Variants in ELAPOR1 observed in about 807,000 individuals in gnomAD.
The protein encoded by ELAPOR1 is endosome/lysosome-associated apoptosis and autophagy regulator 1.
In ELAPOR1, 77 loss-of-function variants were observed where a neutral mutation model predicts 119.7. That is an observed-to-expected ratio of 0.64 (90% CI 0.54 to 0.78). ELAPOR1 has a LOEUF of 0.78. Ranked by LOEUF, ELAPOR1 falls within the 30% of genes least tolerant of loss-of-function variation. ELAPOR1 has a pLI of 0.00. For missense variants in ELAPOR1, 1,115 were observed against 1,270.4 expected, an observed-to-expected ratio of 0.88 and a Z score of 1.86; for synonymous variants, 481 against 487.2, an observed-to-expected ratio of 0.99 and a Z score of 0.17.
At chr1:109,181,156 G>A (rs1652669632) in intron 7 of ELAPOR1, among the ~76,000 whole-genome samples, 2 of 152,184 alleles carry the variant, frequency 1.3e-5, no homozygotes, top group Non-Finnish European at 2.9e-5. Context: ...ATGAGCTGCT[G>A]TCTGACCCGG....
rs1558038348 is a variant in ELAPOR1 at position 109,158,177 on chromosome 1, T to G, written c.154-3717T>G. ...TGCCAGAATTACAGGTGTGAGCCAC[T>G]GCGTCTGGCCTCTAAACTGTTACTT... On this transcript the variant is annotated intron_variant, in intron 1 of 21. Coordinates refer to ENST00000369939, the MANE Select transcript of ELAPOR1 (RefSeq NM_020775.5). Among the ~76,000 whole-genome samples, 3 of 152,300 alleles carry G rather than the reference T, an allele frequency of 2.0e-5. No homozygotes were observed. The South Asian group carries it at 6.2e-4, about 32-fold the overall frequency.
intron 1 of ELAPOR1, 58 bp from the exon 2 acceptor site, chr1:109,161,836 G>A: frequency 2.6e-6 from 4 of 1,565,338 alleles, no homozygotes; most frequent in Non-Finnish European, 3.5e-6. Flanking sequence ...TGGGTGGGAA[G>A]CTGTTAATGT....
chr1:109,198,745 AT>A, intron 18 of ELAPOR1, 71 bp downstream of exon 18: 1 of 1,375,108 alleles, frequency 7.3e-7, no homozygotes, highest in Non-Finnish European at 1.0e-6. Flanking sequence ...AGATCCAGAG[AT>A]TACTGAAAAA....
intron 4 of ELAPOR1, among the ~76,000 whole-genome samples, 177 bp from the exon 5 acceptor site, chr1:109,172,311 T>C (rs145116113): frequency 6.6e-6 from 1 of 152,196 alleles, no homozygotes; most frequent in African/African-American, 2.4e-5. Flanking sequence ...TCATTTTGTG[T>C]GTGTGACTAA....
At chr1:109,181,138 A>G (rs182322055) in intron 7 of ELAPOR1, among the ~76,000 whole-genome samples, 8 of 152,328 alleles carry the variant, frequency 5.3e-5, no homozygotes, top group Middle Eastern at 3.4e-3. Flanking sequence ...GAGGAGCTTC[A>G]CAAAAGCATG....
intron 15 of ELAPOR1, among the ~76,000 whole-genome samples, chr1:109,196,495 G>A (rs942423929): frequency 1.3e-5 from 2 of 152,136 alleles, no homozygotes; most frequent in South Asian, 4.1e-4. Flanking sequence ...GGAATTTGGG[G>A]AAATGGTGTA....
chr1:109,122,476 T>C (rs867666512), intron 1 of ELAPOR1, among the ~76,000 whole-genome samples: 3 of 149,770 alleles, frequency 2.0e-5, no homozygotes, highest in Non-Finnish European at 4.4e-5. Flanking sequence ...CTGGGCAACA[T>C]AGCAAGACCC....
chr1:109,149,109 A>G (rs1650364402), intron 1 of ELAPOR1, among the ~76,000 whole-genome samples: 1 of 152,172 alleles, frequency 6.6e-6, no homozygotes, highest in African/African-American at 2.4e-5. Flanking sequence ...GTTGCTCCAT[A>G]TGTATGAGAA....
intron 1 of ELAPOR1, among the ~76,000 whole-genome samples, chr1:109,157,888 CA>C (rs1381934060): frequency 1.3e-5 from 2 of 152,094 alleles, no homozygotes; most frequent in South Asian, 4.1e-4. Context: ...AGTCTATAAA[CA>C]GTTCCTTTTT....
rs1654080185 is a variant in ELAPOR1 at position 109,200,176 on chromosome 1, G to A, written c.2746G>A (p.Gly916Ser). 1 of 1,614,110 alleles carries A rather than the reference G, an allele frequency of 6.2e-7. No individual in the cohort carries two copies. The highest frequency in any genetic ancestry group is 8.5e-7 in the Non-Finnish European group (1 of 1,180,056). The change falls in exon 20 of 22, where the codon GGC becomes AGC. Residue 916 changes from glycine to serine, a missense_variant. By Grantham distance (56) the Gly-to-Ser change is moderately conservative. Coordinates refer to ENST00000369939, the MANE Select transcript of ELAPOR1 (RefSeq NM_020775.5). The stretch of plus-strand genomic sequence containing the variant: ...CTGGCTGAAAGTGGGCATCTCTGCA[G>A]GCACCTGTACTGCCATCCTGCTCAC... The part of the protein sequence containing the change: ...DFWLKVGISA[G>S]TCTAILLTVL...
At chr1:109,149,322 A>G (rs1321457992) in intron 1 of ELAPOR1, among the ~76,000 whole-genome samples, 1 of 151,358 alleles carries the variant, frequency 6.6e-6, no homozygotes, top group Admixed American at 6.6e-5. Flanking sequence ...TTTTTTAACC[A>G]GTTTACAAAG....
intron 1 of ELAPOR1, among the ~76,000 whole-genome samples, chr1:109,139,388 G>A (rs1441931390): frequency 2.0e-5 from 3 of 152,026 alleles, no homozygotes; most frequent in Non-Finnish European, 2.9e-5. Context: ...AAGTTAGTTT[G>A]TATTGAACAA....
intron 1 of ELAPOR1, among the ~76,000 whole-genome samples, chr1:109,119,361 T>A (rs1454308482): frequency 6.6e-6 from 1 of 151,630 alleles, no homozygotes; most frequent in Non-Finnish European, 1.5e-5. Flanking sequence ...ATTTTTGTAG[T>A]TTTGGAGAGA....
At chr1:109,125,825 T>C (rs1648744759) in intron 1 of ELAPOR1, among the ~76,000 whole-genome samples, 1 of 152,156 alleles carries the variant, frequency 6.6e-6, no homozygotes, top group Non-Finnish European at 1.5e-5. Flanking sequence ...TAATGAGCAA[T>C]GGACTTTTTT....
Position 109,203,094 on chromosome 1 carries a change from C to A in ELAPOR1, c.*82C>A. The A allele has an allele frequency of 1.2e-6, 1 of 844,480 alleles. No individual in the cohort carries two copies. The highest frequency in any genetic ancestry group is 2.0e-6 in the Non-Finnish European group (1 of 502,732). The allele number at this position is 844,480 out of a possible 1,614,324, so 52.3% of individuals were successfully genotyped here. A position where few individuals can be genotyped will look rare whatever the true frequency, so the allele number is the denominator to read the frequency against. On this transcript the variant is annotated 3_prime_UTR_variant, in exon 22 of 22. Transcript: ENST00000369939. Reference sequence around the variant, plus strand: ...CGGCGATTTGGGTGCCAGCATCCTGCAACACCCACTGCTGGAAATCTCTTC... The same window carrying A: ...CGGCGATTTGGGTGCCAGCATCCTGAAACACCCACTGCTGGAAATCTCTTC...
intron 1 of ELAPOR1, among the ~76,000 whole-genome samples, chr1:109,133,305 A>G (rs17038454): frequency 6.6e-6 from 1 of 151,806 alleles, no homozygotes; most frequent in Non-Finnish European, 1.5e-5. Context: ...CTATATAAGC[A>G]AATGGACTGG....
Position 109,128,241 on chromosome 1 carries a change from T to C in ELAPOR1, c.153+13905T>C, listed in dbSNP as rs1007559146. Among the ~76,000 whole-genome samples, 18 of 152,332 alleles carry C rather than the reference T, an allele frequency of 1.2e-4. 1 individual carries two copies. The highest frequency in any genetic ancestry group is 4.3e-4 in the African/African-American group (18 of 41,574). ...GAAAAATAAAATAAATTGAGTTTCA[T>C]AGGCCTAGAATGTGGTTTTCTAAGT... is the stretch of plus-strand genomic sequence containing the variant. On this transcript the variant is annotated intron_variant, in intron 1 of 21. Transcript: ENST00000369939.
Position 109,188,164 on chromosome 1 carries a change from TC to T in ELAPOR1, c.1042-11del, listed in dbSNP as rs751068860. ...CTCACACAGGCTGAGTTGTGCTTAA[TC>T]CATTTCTGCAGACACAACTCATGTA... On this transcript the variant is annotated splice_polypyrimidine_tract_variant and intron_variant, in intron 8 of 21. Transcript: ENST00000369939. 17 of 1,594,134 alleles carry T rather than the reference TC, an allele frequency of 1.1e-5. 1 individual carries two copies. Among genetic ancestry groups the T allele is most frequent in the Non-Finnish European group, 8.6e-6 (10 of 1,164,768 alleles).
At chr1:109,182,200 C>T (rs923553147) in intron 7 of ELAPOR1, among the ~76,000 whole-genome samples, 10 of 152,088 alleles carry the variant, frequency 6.6e-5, no homozygotes, top group African/African-American at 2.4e-4. Context: ...TGTGGTGGTG[C>T]ACACCTGTAA....
Sources: gnomAD v4.1 joint callset for allele counts (sites outside exome capture counted in the v4.1 genomes callset) on GRCh38, gnomAD v4.1.1 for gene constraint, MANE v1.5 for transcripts, NCBI Gene and HGNC (gene_info 2026-07-23, HGNC 2026-07-21) for gene names.